Variants in LY96 observed in about 807,000 individuals in gnomAD.
LY96 encodes the protein lymphocyte antigen 96.
In LY96, 18 loss-of-function variants were observed where a neutral mutation model predicts 18.9. That is an observed-to-expected ratio of 0.95 (90% CI 0.66 to 1.41). LY96 has a LOEUF of 1.41. LY96 is among the 40% of genes most tolerant of loss of function. The pLI is 0.00. For synonymous variants in LY96, 66 were observed against 62.6 expected, an observed-to-expected ratio of 1.06 and a Z score of -0.26; for missense variants, 175 against 182.4, an observed-to-expected ratio of 0.96 and a Z score of 0.23.
At chr8:74,081,925 C>T in the LY96 span, among the ~76,000 whole-genome samples, 6 of 152,166 alleles carry the variant, frequency 3.9e-5, no homozygotes, top group African/African-American at 7.2e-5. Context: ...CGTGAGCCAC[C>T]GTGCCTAGCC....
At chr8:74,019,270 T>C (rs202109944) in intron 3 of LY96, among the ~76,000 whole-genome samples, 3 of 152,148 alleles carry the variant, frequency 2.0e-5, no homozygotes, top group East Asian at 3.9e-4. Context: ...TACAAACTAC[T>C]ATCAGAGAAT....
At chr8:74,046,586 C>T in the LY96 span, among the ~76,000 whole-genome samples, 1 of 152,050 alleles carries the variant, frequency 6.6e-6, no homozygotes, top group Non-Finnish European at 1.5e-5. Context: ...CGCAAAAAAA[C>T]CCCGGACAGG....
Position 74,005,897 on chromosome 8 carries a change from G to A in LY96, c.202+1012G>A, listed in dbSNP as rs1445791243. ...ATTTACATCCTAGTTTAGATTTGGA[G>A]CTTGTTTTAGATTAATACTTTACAG... On this transcript the variant is annotated intron_variant, in intron 2 of 4. Coordinates refer to ENST00000284818, the MANE Select transcript of LY96 (RefSeq NM_015364.5). Among the ~76,000 whole-genome samples, 5 of 152,236 alleles carry A rather than the reference G, an allele frequency of 3.3e-5. 1 individual carries two copies. Among genetic ancestry groups the A allele is most frequent in the Admixed American group, 3.3e-4 (5 of 15,292 alleles).
At chr8:74,022,903 T>C (rs1038900141) in intron 3 of LY96, among the ~76,000 whole-genome samples, 1 of 152,106 alleles carries the variant, frequency 6.6e-6, no homozygotes, top group Non-Finnish European at 1.5e-5. Context: ...AATTTCTTTC[T>C]CATATCCTCA....
chr8:74,019,872 C>T (rs1393485819), intron 3 of LY96, among the ~76,000 whole-genome samples: 1 of 152,148 alleles, frequency 6.6e-6, no homozygotes, highest in Non-Finnish European at 1.5e-5. Flanking sequence ...ATTCAACAGC[C>T]TTTCATGCTA....
At chr8:74,088,042 C>T in the LY96 span, among the ~76,000 whole-genome samples, 1 of 149,510 alleles carries the variant, frequency 6.7e-6, no homozygotes, top group East Asian at 2.0e-4. Flanking sequence ...GCTTGAATTC[C>T]CAAAGCATTG....
At chr8:74,029,245 C>A (rs1258548500), downstream of LY96, among the ~76,000 whole-genome samples, 7 of 152,126 alleles carry the variant, frequency 4.6e-5, no homozygotes, top group Admixed American at 2.0e-4. Flanking sequence ...GGGGAAGCAC[C>A]AGTGTCTGTG....
the LY96 span, among the ~76,000 whole-genome samples, chr8:74,040,300 C>T: frequency 2.0e-5 from 3 of 152,180 alleles, no homozygotes; most frequent in African/African-American, 7.2e-5. Flanking sequence ...ACAGTTTGTG[C>T]CTTCAGGCTC....
At chr8:73,999,684 T>C (rs560605899) in intron 1 of LY96, among the ~76,000 whole-genome samples, 1 of 152,174 alleles carries the variant, frequency 6.6e-6, no homozygotes, top group Non-Finnish European at 1.5e-5. Flanking sequence ...TTCTTTAAAA[T>C]TTTTTAAAGT....
At chr8:74,090,006 G>A in the LY96 span, among the ~76,000 whole-genome samples, 1 of 152,144 alleles carries the variant, frequency 6.6e-6, no homozygotes, top group South Asian at 2.1e-4. Context: ...GGGAGGCCAG[G>A]TCTTATAAAG....
chr8:74,033,330 C>A (rs1321244700), downstream of LY96, among the ~76,000 whole-genome samples: 1 of 152,088 alleles, frequency 6.6e-6, no homozygotes, highest in Non-Finnish European at 1.5e-5. Context: ...ACACTATTTG[C>A]CCCTAGATTG....
chr8:74,028,924 G>T (rs1335780967), intron 4 of LY96, 32 bp from the exon 5 acceptor site: 19 of 1,303,052 alleles, frequency 1.5e-5, no homozygotes, highest in Non-Finnish European at 2.0e-5. Flanking sequence ...CTAACATTTT[G>T]TATTACTTGT....
chr8:74,072,148 A>G, the LY96 span, among the ~76,000 whole-genome samples: 1 of 152,188 alleles, frequency 6.6e-6, no homozygotes, highest in African/African-American at 2.4e-5. Context: ...CCATTGATCT[A>G]TATAATTTTT....
At chr8:74,087,579 G>A in the LY96 span, among the ~76,000 whole-genome samples, 7 of 152,160 alleles carry the variant, frequency 4.6e-5, no homozygotes, top group Admixed American at 3.9e-4. Flanking sequence ...ACCTCTGGGT[G>A]GCCAAGGTTC....
At chr8:74,068,827 C>T in the LY96 span, among the ~76,000 whole-genome samples, 1 of 152,192 alleles carries the variant, frequency 6.6e-6, no homozygotes, top group Non-Finnish European at 1.5e-5. Flanking sequence ...GAGACAGTCT[C>T]ACTCTGTCAC....
At chr8:74,037,354 C>T in the LY96 span, among the ~76,000 whole-genome samples, 4 of 152,094 alleles carry the variant, frequency 2.6e-5, no homozygotes, top group Admixed American at 6.6e-5. Context: ...AAGAGCCTGG[C>T]GTGGTGGGTC....
intron 1 of LY96, among the ~76,000 whole-genome samples, chr8:74,002,747 T>A (rs1431347920): frequency 1.4e-5 from 1 of 72,808 alleles, no homozygotes; most frequent in Non-Finnish European, 3.2e-5. Context: ...AATTTTTGTA[T>A]TTTTTTCATA....
chr8:74,004,217 A>G (rs1247934049), intron 1 of LY96, among the ~76,000 whole-genome samples: 7 of 152,226 alleles, frequency 4.6e-5, no homozygotes, highest in Non-Finnish European at 1.0e-4. Context: ...TGTGCTGAGC[A>G]GAGGGGAGGA....
chr8:74,017,625 GA>G (rs1816671411), intron 3 of LY96, among the ~76,000 whole-genome samples: 1 of 152,120 alleles, frequency 6.6e-6, no homozygotes, highest in South Asian at 2.1e-4. Flanking sequence ...TGAGATGAAG[GA>G]AAAAATGTTA....
Sources: allele counts gnomAD v4.1 joint callset (sites outside exome capture counted in the v4.1 genomes callset), GRCh38; gene constraint gnomAD v4.1.1; transcripts MANE v1.5; gene names NCBI Gene and HGNC (gene_info 2026-07-23, HGNC 2026-07-21).